THBS1: variants seen among roughly 807,000 people sequenced by gnomAD.
The protein encoded by THBS1 is thrombospondin-1.
A neutral mutation model predicts 126.1 loss-of-function variants in THBS1; 29 were observed. The ratio of observed to expected loss-of-function variants is 0.23; its 90% CI spans 0.17 to 0.31. The LOEUF is 0.31. Among genes scored for constraint, THBS1 ranks in the 10% least tolerant of loss-of-function variants. THBS1 has a pLI of 1.00. For missense variants in THBS1, 1,198 were observed against 1,545.2 expected, an observed-to-expected ratio of 0.78 and a Z score of 3.77; for synonymous variants, 496 against 577.8, an observed-to-expected ratio of 0.86 and a Z score of 2.03.
In THBS1 at chr15:39,593,626, C is replaced by A; in HGVS notation, c.3225C>A (p.His1075Gln). Residue 1075 changes from histidine to glutamine, a missense_variant, in exon 19 of 22, where the codon CAC (histidine) becomes CAA (glutamine). By Grantham distance (24) the His-to-Gln change is conservative (BLOSUM62 0). Around this residue, in one of 4 missense-constraint regions of THBS1, gnomAD observed 255 missense variants for 373.9 expected, o/e 0.68. Transcript: ENST00000260356. This position sits in a 1 kb window ranked among gnomAD's most constrained non-coding sequence, Gnocchi z 5.9. Reference protein sequence around the residue: ...VVNSTTGPGEHLRNALWHTGN... With the variant: ...VVNSTTGPGEQLRNALWHTGN... ...ACTCCACCACAGGGCCTGGCGAGCA[C>A]CTGCGGAACGCCCTGTGGCACACAG... The A allele has an allele frequency of 1.9e-6, 3 of 1,614,060 alleles. No individual in the cohort carries two copies. Among genetic ancestry groups the A allele is most frequent in the East Asian group, 4.5e-5 (2 of 44,872 alleles).
rs1213017181 is a variant in THBS1 at position 39,590,532 on chromosome 15, T to G, written c.2162T>G (p.Leu721Arg). ...YHCKKDNCPNLPNSGQEDYDK... is the reference protein window; with the variant it reads ...YHCKKDNCPNRPNSGQEDYDK... The stretch of plus-strand genomic sequence containing the variant: ...CTTTCCTAGGATAATTGCCCCAACC[T>G]TCCCAACTCAGGGCAGGAAGACTAT... Residue 721 changes from leucine (L) to arginine (R), a missense_variant, in exon 14 of 22, where the codon CTT becomes CGT. By Grantham distance (102) the Leu-to-Arg change is moderately radical (BLOSUM62 -2). Around this residue, in one of 4 missense-constraint regions of THBS1, gnomAD observed 663 missense variants for 860.1 expected, o/e 0.77. Coordinates refer to ENST00000260356, the MANE Select transcript of THBS1 (RefSeq NM_003246.4). The G allele has an allele frequency of 6.2e-7, 1 of 1,613,534 alleles. No individual in the cohort carries two copies. Among genetic ancestry groups the G allele is most frequent in the East Asian group, 2.2e-5 (1 of 44,838 alleles).
chr15:39,587,407 G>C lies in THBS1; in HGVS notation c.1181G>C (p.Ser394Thr), dbSNP rs376997190. ...PWSEWTSCST[S>T]CGNGIQQRGR... ...TCCGAGTGGACCTCCTGTTCTACGA[G>C]CTGTGGCAATGGAATTCAGCAGCGC... Residue 394 changes from serine to threonine, a missense_variant, in exon 8 of 22, where the codon AGC becomes ACC. Ser to Thr is a moderately conservative substitution (Grantham distance 58, BLOSUM62 1). Transcript: ENST00000260356. The C allele has an allele frequency of 8.7e-5, 140 of 1,613,882 alleles. No individual in the cohort carries two copies. The highest frequency in any genetic ancestry group is 1.1e-4 in the Non-Finnish European group (134 of 1,180,044).
intron 6 of THBS1, 54 bp from the exon 7 acceptor site, chr15:39,585,416 T>G: frequency 5.9e-6 from 9 of 1,520,902 alleles, no homozygotes; most frequent in Non-Finnish European, 8.2e-6. Context: ...GATGTAGACT[T>G]CTGTATGCAA....
At chr15:39,588,257 C>A in intron 9 of THBS1, 39 bp downstream of exon 9, 2 of 1,588,274 alleles carry the variant, frequency 1.3e-6, no homozygotes, top group Non-Finnish European at 1.7e-6. Context: ...GCATGGGCAG[C>A]AGCTCTGCCC....
chr15:39,593,739 T>C lies in THBS1; in HGVS notation c.3267+71T>C, dbSNP rs1447718549. 2 of 1,561,000 alleles carry C rather than the reference T, an allele frequency of 1.3e-6. No individual in the cohort carries two copies. Among genetic ancestry groups the C allele is most frequent in the Non-Finnish European group, 1.7e-6 (2 of 1,153,442 alleles). ...GACTAGCACTGGGGATGCTGTGCTTTGACCAAGACTCTGACCAGGGAGTCT... is the reference window on the plus strand; with the variant it reads ...GACTAGCACTGGGGATGCTGTGCTTCGACCAAGACTCTGACCAGGGAGTCT... On this transcript the variant is annotated intron_variant, in intron 19 of 21. Coordinates refer to ENST00000260356, the MANE Select transcript of THBS1 (RefSeq NM_003246.4). This position sits in a 1 kb window ranked among gnomAD's most constrained non-coding sequence, Gnocchi z 5.9.
chr15:39,587,408 C>T lies in THBS1; in HGVS notation c.1182C>T (p.Ser394=). The change falls in exon 8 of 22, where the codon AGC becomes AGT. Residue 394 remains serine, a synonymous_variant. Coordinates refer to ENST00000260356, the MANE Select transcript of THBS1 (RefSeq NM_003246.4). ...PWSEWTSCST[S]CGNGIQQRGR... ...CCGAGTGGACCTCCTGTTCTACGAGCTGTGGCAATGGAATTCAGCAGCGCG... is the reference window on the plus strand; with the variant it reads ...CCGAGTGGACCTCCTGTTCTACGAGTTGTGGCAATGGAATTCAGCAGCGCG... 6.2e-7 allele frequency: 1 copy of T among 1,613,998 alleles called. No homozygotes were observed. Among genetic ancestry groups the T allele is most frequent in the Non-Finnish European group, 8.5e-7 (1 of 1,180,036 alleles).
At position 39,594,086 on chromosome 15, in the gene THBS1, C is replaced by G. The variant is rs1455844912; in HGVS notation, c.3268-13C>G. On this transcript the variant is annotated splice_polypyrimidine_tract_variant and intron_variant, in intron 19 of 21. Coordinates refer to ENST00000260356, the MANE Select transcript of THBS1 (RefSeq NM_003246.4). The surrounding 1 kb of genome is among the most constrained non-coding windows in gnomAD (Gnocchi z 4.4). ...GAGCTGTGTTTCAACCTTTCCTTTT[C>G]CTTTTCCTTCAGGTGCGCACCCTGT... 6.2e-7 allele frequency: 1 copy of G among 1,608,470 alleles called. No individual in the cohort carries two copies. The highest frequency in any genetic ancestry group is 2.2e-5 in the East Asian group (1 of 44,806).
At chr15:39,581,580 G>T in intron 1 of THBS1, 1 of 399,330 alleles carries the variant, frequency 2.5e-6, no homozygotes, top group Non-Finnish European at 4.5e-6. Flanking sequence ...CTTCCCAAAA[G>T]CCCCCAAATT....
At chr15:39,588,729 C>G in intron 10 of THBS1, 30 bp downstream of exon 10, 1 of 1,552,242 alleles carries the variant, frequency 6.4e-7, no homozygotes, top group Middle Eastern at 2.0e-4. Context: ...ATGAAACGAC[C>G]CAGGAGCTTT....
At chr15:39,586,436 A>G (rs545584136) in intron 7 of THBS1, 17 of 152,394 alleles carry the variant, frequency 1.1e-4, no homozygotes, top group Admixed American at 3.9e-4. Context: ...AAGAAAACTT[A>G]CAACTAATGA....
chr15:39,592,054 A>G lies in THBS1; in HGVS notation c.2532+431A>G, dbSNP rs1890337926. 1.3e-5 allele frequency among the ~76,000 whole-genome samples: 2 copies of G among 152,214 alleles called. No homozygotes were observed. Among genetic ancestry groups the G allele is most frequent in the Admixed American group, 1.3e-4 (2 of 15,288 alleles). On this transcript the variant is annotated intron_variant, in intron 16 of 21. Coordinates refer to ENST00000260356, the MANE Select transcript of THBS1 (RefSeq NM_003246.4). This position sits in a 1 kb window ranked among gnomAD's most constrained non-coding sequence, Gnocchi z 4.3. ...CTAGCTATAAGAAAATCATCAAACT[A>G]AGGATACATCCAAAACCAAAGTAAT...
At position 39,587,360 on chromosome 15, in the gene THBS1, G is replaced by C. The variant is rs150499229; in HGVS notation, c.1134G>C (p.Ala378=). The change falls in exon 8 of 22, where the codon GCG becomes GCC. Residue 378 remains alanine (A), a synonymous_variant. Transcript: ENST00000260356. ...CCPRCWPSDS[A]DDGWSPWSEW... ...TTTCCCCTGCAGCCAGCGACTCTGC[G>C]GACGATGGCTGGTCTCCATGGTCCG... 1 of 1,612,768 alleles carries C rather than the reference G, an allele frequency of 6.2e-7. No homozygotes were observed. The highest frequency in any genetic ancestry group is 2.2e-5 in the East Asian group (1 of 44,852).
chr15:39,595,853 C>T lies in THBS1; in HGVS notation c.*484C>T, dbSNP rs1416079657. 2 of 457,134 alleles carry T rather than the reference C, an allele frequency of 4.4e-6. No individual in the cohort carries two copies. The highest frequency in any genetic ancestry group is 6.9e-5 in the East Asian group (1 of 14,424). The allele number at this position is 457,134 out of a possible 1,614,324, so 28.3% of individuals were successfully genotyped here. ...CTAAGGGGAGGGCGCATACCCGAGA[C>T]GATTGTATGAAGAAAATATGGAGGA... On this transcript the variant is annotated 3_prime_UTR_variant, in exon 22 of 22. Coordinates refer to ENST00000260356, the MANE Select transcript of THBS1 (RefSeq NM_003246.4).
At position 39,583,523 on chromosome 15, in the gene THBS1, A is replaced by G. The variant is rs186730658; in HGVS notation, c.628-94A>G. On this transcript the variant is annotated intron_variant, in intron 3 of 21. Coordinates refer to ENST00000260356, the MANE Select transcript of THBS1 (RefSeq NM_003246.4). ...GCTCTTTGAAGCTTTTAGAACATCT[A>G]TTGTATGCTTTTCCTAGCATACAGA... 1.2e-5 allele frequency: 12 copies of G among 1,007,932 alleles called. No homozygotes were observed. The East Asian group carries it at 1.9e-4, about 16-fold the overall frequency. The allele number at this position is 1,007,932 out of a possible 1,614,324, so 62.4% of individuals were successfully genotyped here. A position where few individuals can be genotyped will look rare whatever the true frequency, so the allele number is the denominator to read the frequency against.
At position 39,588,304 on chromosome 15, in the gene THBS1, G is replaced by C. The variant is rs1007545808; in HGVS notation, c.1471+86G>C. The C allele has an allele frequency of 4.0e-6, 6 of 1,489,132 alleles. No individual in the cohort carries two copies. In the Admixed American group the frequency reaches 8.5e-5, roughly 21 times the overall value. 92.2% of individuals were successfully genotyped at this position (1,489,132 alleles called of 1,614,324 possible). ...TGGCATCTGCAGCCTGCAGTTCAGT[G>C]GGTCATAGAGCAGGAAGGTTACCTA... On this transcript the variant is annotated intron_variant, in intron 9 of 21. Transcript: ENST00000260356.
chr15:39,584,238 C>A, intron 5 of THBS1, 51 bp downstream of exon 5: 1 of 1,614,084 alleles, frequency 6.2e-7, no homozygotes, highest in Non-Finnish European at 8.5e-7. Flanking sequence ...GAAGGTTTAT[C>A]GCAGATGGTC....
rs566808485 is a variant in THBS1, at chr15:39,597,160, G to A, written c.*1791G>A. 2.6e-5 allele frequency: 4 copies of A among 151,752 alleles called. No homozygotes were observed. In the South Asian group the frequency reaches 8.3e-4, roughly 32 times the overall value. The allele number at this position is 151,752 out of a possible 1,614,324, so 9.4% of individuals were successfully genotyped here. A position where few individuals can be genotyped will look rare whatever the true frequency, so the allele number is the denominator to read the frequency against. On this transcript the variant is annotated 3_prime_UTR_variant, in exon 22 of 22. Coordinates refer to ENST00000260356, the MANE Select transcript of THBS1 (RefSeq NM_003246.4). ...CATTGGAATAGATATCTCAGATTGT[G>A]TAGATATGCTATTTAAATAATTTAT... is the stretch of plus-strand genomic sequence containing the variant.
rs1566845005 is a variant in THBS1 at position 39,599,249 on chromosome 15, C to CCA, written c.*3880_*3881insCA. On this transcript the variant is annotated 3_prime_UTR_variant, in exon 22 of 22. Coordinates refer to ENST00000260356, the MANE Select transcript of THBS1 (RefSeq NM_003246.4). Reference sequence around the variant, plus strand: ...AATCCGGAAGCTTTTTGTTGAATTACGTTACAGACTTAGTTACCAGTCCTT... The same window carrying CCA: ...AATCCGGAAGCTTTTTGTTGAATTACCAGTTACAGACTTAGTTACCAGTCCTT... The CCA allele has an allele frequency of 7.9e-5, 12 of 152,286 alleles. No homozygotes were observed. Among genetic ancestry groups the CCA allele is most frequent in the African/African-American group, 2.9e-4 (12 of 41,564 alleles). The allele number at this position is 152,286 out of a possible 1,614,324, so 9.4% of individuals were successfully genotyped here. A position where few individuals can be genotyped will look rare whatever the true frequency, so the allele number is the denominator to read the frequency against.
intron 4 of THBS1, 46 bp downstream of exon 4, chr15:39,583,738 T>A (rs774119985): frequency 6.3e-7 from 1 of 1,581,126 alleles, no homozygotes; most frequent in South Asian, 1.1e-5. Context: ...TCAGGGGGAA[T>A]TCCACCAAAA....
Sources: allele counts gnomAD v4.1 joint callset (sites outside exome capture counted in the v4.1 genomes callset), GRCh38; gene constraint gnomAD v4.1.1; regional missense constraint gnomAD v4.1.1; non-coding constraint Gnocchi (gnomAD v3.1); transcripts MANE v1.5; gene names NCBI Gene and HGNC (gene_info 2026-07-23, HGNC 2026-07-21).